The following RANGAP1 variants were observed in gnomAD, a reference collection of about 807,000 sequenced individuals.
The protein encoded by RANGAP1 is ran GTPase-activating protein 1.
RANGAP1 carries 38 observed loss-of-function variants against 63.5 expected under a neutral mutation model. That is an observed-to-expected ratio of 0.60 (90% confidence interval 0.46 to 0.78). The LOEUF is 0.78. Among genes scored for constraint, RANGAP1 ranks in the 30% least tolerant of loss-of-function variants. The probability of loss-of-function intolerance (pLI) is 0.00; values close to 1 mark genes in which losing one functional copy is unlikely to be tolerated. For missense variants in RANGAP1, 630 were observed against 740.3 expected, an observed-to-expected ratio of 0.85 and a Z score of 1.73; for synonymous variants, 329 against 310.5, an observed-to-expected ratio of 1.06 and a Z score of -0.63.
At chr22:41,261,877 T>C (rs1362106344) in intron 5 of RANGAP1, among the ~76,000 whole-genome samples, 1 of 152,208 alleles carries the variant, frequency 6.6e-6, no homozygotes, top group Non-Finnish European at 1.5e-5. Context: ...GGATGAACTT[T>C]TAGCCAGGTC....
intron 2 of RANGAP1, among the ~76,000 whole-genome samples, chr22:41,277,060 T>C (rs1051873935): frequency 2.0e-5 from 3 of 149,880 alleles, no homozygotes; most frequent in African/African-American, 7.4e-5. Flanking sequence ...TGGGGTTATA[T>C]GAAAGTGAGG....
rs765975955 is a variant in RANGAP1, at chr22:41,257,962, C to T, written c.760G>A (p.Val254Met). ...NDNTFTEKGAVAMAETLKTLR... is the reference protein window; with the variant it reads ...NDNTFTEKGAMAMAETLKTLR... ...ACTCGCCTCACCTCGGCCATGGCCA[C>T]GGCGCCCTTCTCAGTGAAGGTGTTG... Residue 254 changes from valine to methionine, a missense_variant, in exon 7 of 16, where the codon GTG (valine) becomes ATG (methionine). Transcript: ENST00000356244. The surrounding 1 kb of genome is among the most constrained non-coding windows in gnomAD (Gnocchi z 4.0). The T allele has an allele frequency of 2.9e-5, 46 of 1,607,122 alleles. No homozygotes were observed. The highest frequency in any genetic ancestry group is 2.7e-4 in the South Asian group (24 of 90,128).
intron 6 of RANGAP1, among the ~76,000 whole-genome samples, chr22:41,259,419 C>T (rs2034034350): frequency 6.6e-6 from 1 of 152,028 alleles, no homozygotes; most frequent in African/African-American, 2.4e-5. Context: ...GTCCCCTCCT[C>T]AAAAAATGTT....
At position 41,268,055 on chromosome 22, in the gene RANGAP1, A is replaced by G; in HGVS notation, c.300+42T>C. 4 of 1,475,198 alleles carry G rather than the reference A, an allele frequency of 2.7e-6. No homozygotes were observed. In the South Asian group the frequency reaches 4.9e-5, roughly 18 times the overall value. The allele number at this position is 1,475,198 out of a possible 1,614,324, so 91.4% of individuals were successfully genotyped here. On this transcript the variant is annotated intron_variant, in intron 4 of 15. Coordinates refer to ENST00000356244, the MANE Select transcript of RANGAP1 (RefSeq NM_002883.4). ...AGAAAAGCCCTGGGAATTGCCAAAG[A>G]GGGCCTTGCGCGTGGAGGGGAAGAG... is the stretch of plus-strand genomic sequence containing the variant.
chr22:41,273,875 A>ACC (rs2034986180), intron 3 of RANGAP1, among the ~76,000 whole-genome samples: 1 of 151,304 alleles, frequency 6.6e-6, no homozygotes, highest in African/African-American at 2.4e-5. Context: ...GGAATTCGAG[A>ACC]CCATCCTGGC....
chr22:41,297,509 G>GT, the RANGAP1 span, among the ~76,000 whole-genome samples: 2 of 151,004 alleles, frequency 1.3e-5, no homozygotes, highest in Admixed American at 1.3e-4. Context: ...GTTGGGTACA[G>GT]TACTTTTTTT....
Position 41,257,925 on chromosome 22 carries a change from T to G in RANGAP1, c.774+23A>C, listed in dbSNP as rs774725928. 1.1e-5 allele frequency: 18 copies of G among 1,578,818 alleles called. No homozygotes were observed. The highest frequency in any genetic ancestry group is 1.4e-5 in the Non-Finnish European group (16 of 1,158,560). On this transcript the variant is annotated intron_variant, in intron 7 of 15. Coordinates refer to ENST00000356244, the MANE Select transcript of RANGAP1 (RefSeq NM_002883.4). This position sits in a 1 kb window ranked among gnomAD's most constrained non-coding sequence, Gnocchi z 4.0. ...CAGCCTCTATCTGGCGGGGCCCAACTGGCTCTGCCACACTCGCCTCACCTC... is the reference window on the plus strand; with the variant it reads ...CAGCCTCTATCTGGCGGGGCCCAACGGGCTCTGCCACACTCGCCTCACCTC...
intron 2 of RANGAP1, chr22:41,277,507 G>A (rs1601702724): frequency 8.4e-7 from 1 of 1,197,114 alleles, no homozygotes; most frequent in Non-Finnish European, 1.1e-6. Flanking sequence ...GCTGGTACAG[G>A]ATGGAGTAGG....
intron 2 of RANGAP1, 111 bp downstream of exon 2, chr22:41,280,822 T>C: frequency 1.3e-6 from 2 of 1,551,332 alleles, no homozygotes; most frequent in Non-Finnish European, 1.7e-6. Context: ...ACAGAGCTGC[T>C]GGGACAAATA....
At chr22:41,248,445 C>T (rs1012525862) in intron 15 of RANGAP1, among the ~76,000 whole-genome samples, 27 of 152,202 alleles carry the variant, frequency 1.8e-4, no homozygotes, top group Admixed American at 1.0e-3. Flanking sequence ...CAGCGGGGGC[C>T]GCTCACGCTC....
chr22:41,274,584 G>T lies in RANGAP1; in HGVS notation c.240+16C>A. On this transcript the variant is annotated intron_variant, in intron 3 of 15. Transcript: ENST00000356244. Reference sequence around the variant, plus strand: ...TGTTCAAACCAGCCTGGGCCTACTCGCCCCACTCTGCTCACCTTCAACTCC... The same window carrying T: ...TGTTCAAACCAGCCTGGGCCTACTCTCCCCACTCTGCTCACCTTCAACTCC... The T allele has an allele frequency of 1.9e-6, 3 of 1,613,828 alleles. No homozygotes were observed. Among genetic ancestry groups the T allele is most frequent in the Non-Finnish European group, 2.5e-6 (3 of 1,179,844 alleles).
At chr22:41,249,671 G>A (rs2033299985) in intron 14 of RANGAP1, 58 bp downstream of exon 14, 1 of 1,567,430 alleles carries the variant, frequency 6.4e-7, no homozygotes, top group East Asian at 2.2e-5. Context: ...GGCTGGGGCA[G>A]CTTCTGTGCA....
chr22:41,256,313 G>A lies in RANGAP1; in HGVS notation c.889-23C>T. 3 of 1,610,094 alleles carry A rather than the reference G, an allele frequency of 1.9e-6. No individual in the cohort carries two copies. The East Asian group carries it at 6.7e-5, about 36-fold the overall frequency. ...CTCCTGAAAATAAGAGGAAGGGTTG[G>A]AGGCAGGCAGAAACCCGGGCCAGGA... is the stretch of plus-strand genomic sequence containing the variant. On this transcript the variant is annotated intron_variant, in intron 8 of 15. Transcript: ENST00000356244.
intron 5 of RANGAP1, among the ~76,000 whole-genome samples, chr22:41,264,131 G>A (rs2034326335): frequency 6.6e-6 from 1 of 152,246 alleles, no homozygotes; most frequent in Non-Finnish European, 1.5e-5. Context: ...GGAGTTGGAA[G>A]AGAATAATAC....
Position 41,256,227 on chromosome 22 carries a change from C to T in RANGAP1, c.952G>A (p.Ala318Thr), listed in dbSNP as rs1569179792. The T allele has an allele frequency of 6.2e-7, 1 of 1,614,168 alleles. No homozygotes were observed. The highest frequency in any genetic ancestry group is 2.2e-5 in the East Asian group (1 of 44,874). ...AGCTTCTCCAGCTCAGCTTTGTCTG[C>T]CATGGCCTCAGCAACAGCCAGGGCA... ...DAALAVAEAM[A>T]DKAELEKLDL... Residue 318 changes from alanine (A) to threonine (T), a missense_variant, in exon 9 of 16, where the codon GCA becomes ACA. By Grantham distance (58) the Ala-to-Thr change is moderately conservative (BLOSUM62 0). Coordinates refer to ENST00000356244, the MANE Select transcript of RANGAP1 (RefSeq NM_002883.4).
At chr22:41,269,208 T>C (rs550251808) in intron 3 of RANGAP1, among the ~76,000 whole-genome samples, 1 of 152,254 alleles carries the variant, frequency 6.6e-6, no homozygotes, top group South Asian at 2.1e-4. Context: ...GCCTCCACAG[T>C]ACCTGCTATT....
At position 41,281,053 on chromosome 22, in the gene RANGAP1, G is replaced by C; in HGVS notation, c.-9C>G. On this transcript the variant is annotated 5_prime_UTR_variant, in exon 2 of 16. Transcript: ENST00000356244. ...ATGTCTTCCGAGGCCATGTTGACTA[G>C]GCTGGTGGGCTCCCCTGGAGATCTG... is the stretch of plus-strand genomic sequence containing the variant. 2.5e-6 allele frequency: 4 copies of C among 1,584,752 alleles called. No homozygotes were observed. The highest frequency in any genetic ancestry group is 1.3e-5 in the African/African-American group (1 of 74,328).
At chr22:41,273,766 C>CAAAAAAGAAAAAAA (rs2034972798) in intron 3 of RANGAP1, among the ~76,000 whole-genome samples, 1 of 24,350 alleles carries the variant, frequency 4.1e-5, no homozygotes, top group Non-Finnish European at 7.1e-5. Context: ...GACTCCATCT[C>CAAAAAAGAAAAAAA]AAAAAAAAAA....
At chr22:41,274,783 T>A in intron 2 of RANGAP1, 56 bp from the exon 3 acceptor site, 1 of 1,603,564 alleles carries the variant, frequency 6.2e-7, no homozygotes, top group Non-Finnish European at 8.5e-7. Context: ...ACAGCTAAGA[T>A]AGGAGAGAGG....
Sources: gnomAD v4.1 joint callset for allele counts (sites outside exome capture counted in the v4.1 genomes callset) on GRCh38, gnomAD v4.1.1 for gene constraint, Gnocchi (gnomAD v3.1) non-coding constraint, MANE v1.5 for transcripts, NCBI Gene and HGNC (gene_info 2026-07-23, HGNC 2026-07-21) for gene names.